Variants in TTC38 observed in about 807,000 individuals in gnomAD.
TTC38 encodes the protein tetratricopeptide repeat protein 38.
A neutral mutation model predicts 64.2 loss-of-function variants in TTC38; 64 were observed. That is an observed-to-expected ratio of 1.00 (90% CI 0.81 to 1.23). The LOEUF is 1.23. Among genes scored for constraint, TTC38 ranks in the 50% most tolerant of loss-of-function variants. The pLI is 0.00. For missense variants in TTC38, 573 were observed against 615.5 expected (o/e 0.93, Z 0.73); for synonymous variants, 254 against 249.3 (o/e 1.02, Z -0.18).
In TTC38 at chr22:46,272,369, G is replaced by T; in HGVS notation, c.146G>T (p.Gly49Val). 1.2e-6 allele frequency: 2 copies of T among 1,613,470 alleles called. No individual in the cohort carries two copies. Among genetic ancestry groups the T allele is most frequent in the South Asian group, 1.1e-5 (1 of 91,018 alleles). ...VKWTNDKSLG[G>V]IEGCLSKLKA... Reference sequence around the variant, plus strand: ...TGGACCAATGACAAGAGTCTCGGTGGCATCGAGGGCTGCCTGTCAAAGCTC... The same window carrying T: ...TGGACCAATGACAAGAGTCTCGGTGTCATCGAGGGCTGCCTGTCAAAGCTC... Residue 49 changes from glycine to valine, a missense_variant, in exon 3 of 14, where the codon GGC (glycine) becomes GTC (valine). Transcript: ENST00000381031. The surrounding 1 kb of genome is among the most constrained non-coding windows in gnomAD (Gnocchi z 6.4).
Position 46,273,980 on chromosome 22 carries a change from T to C in TTC38, c.276T>C (p.Ala92=), listed in dbSNP as rs758146876. 1 of 1,614,228 alleles carries C rather than the reference T, an allele frequency of 6.2e-7. No homozygotes were observed. The highest frequency in any genetic ancestry group is 1.7e-5 in the Admixed American group (1 of 60,028). ...SVKLDKELDL[A]VKTMVEISRT... is the part of the protein sequence containing the mutation. ...AGCTGGACAAAGAGCTGGACCTGGC[T>C]GTGAAGACAATGGTGGAGATTTCAA... Residue 92 remains alanine, a synonymous_variant, in exon 4 of 14, where the codon GCT becomes GCC. Coordinates refer to ENST00000381031, the MANE Select transcript of TTC38 (RefSeq NM_017931.4). This position sits in a 1 kb window ranked among gnomAD's most constrained non-coding sequence, Gnocchi z 5.1.
intron 2 of TTC38, among the ~76,000 whole-genome samples, chr22:46,269,722 GTTGT>G (rs1856848460): frequency 2.6e-5 from 4 of 152,330 alleles, no homozygotes; most frequent in Middle Eastern, 3.4e-3. Flanking sequence ...GGGCATCTGA[GTTGT>G]TTGTTTATTT....
At chr22:46,287,318 C>T (rs978317035) in intron 10 of TTC38, among the ~76,000 whole-genome samples, 164 bp downstream of exon 10, 2 of 152,242 alleles carry the variant, frequency 1.3e-5, no homozygotes, top group East Asian at 1.9e-4. Flanking sequence ...GCAGCTGCCT[C>T]CCAGCTGGCC....
rs1986775142 is a variant in TTC38, at chr22:46,273,549, C to T, written c.194-349C>T. 1.3e-5 allele frequency among the ~76,000 whole-genome samples: 2 copies of T among 152,222 alleles called. No homozygotes were observed. Among genetic ancestry groups the T allele is most frequent in the African/African-American group, 4.8e-5 (2 of 41,460 alleles). ...CCTTATGAGCAGCATCCACTGATGCCTCCCGGGAGCCGTGTGCTGGCTGTG... is the reference window on the plus strand; with the variant it reads ...CCTTATGAGCAGCATCCACTGATGCTTCCCGGGAGCCGTGTGCTGGCTGTG... On this transcript the variant is annotated intron_variant, in intron 3 of 13. Transcript: ENST00000381031. This position sits in a 1 kb window ranked among gnomAD's most constrained non-coding sequence, Gnocchi z 5.1.
At chr22:46,288,938 C>T (rs146076609) in intron 11 of TTC38, among the ~76,000 whole-genome samples, 4 of 152,232 alleles carry the variant, frequency 2.6e-5, no homozygotes, top group Non-Finnish European at 5.9e-5. Context: ...CCCTGAGGTC[C>T]TGGACGAGGT....
rs1263486007 is a variant in TTC38 at position 46,271,580 on chromosome 22, CT to C, written c.112-754del. Among the ~76,000 whole-genome samples, 6 of 152,204 alleles carry C rather than the reference CT, an allele frequency of 3.9e-5. No individual in the cohort carries two copies. The highest frequency in any genetic ancestry group is 1.4e-4 in the African/African-American group (6 of 41,444). On this transcript the variant is annotated intron_variant, in intron 2 of 13. Transcript: ENST00000381031. This position sits in a 1 kb window ranked among gnomAD's most constrained non-coding sequence, Gnocchi z 5.5. ...GCACGATCTCAGCTCACTGCAACCT[CT>C]ACCTCCCAGGTTCAGGCGATTCTCC...
intron 8 of TTC38, 56 bp downstream of exon 8, chr22:46,284,088 A>G (rs903214381): frequency 6.9e-7 from 1 of 1,456,544 alleles, no homozygotes; most frequent in African/African-American, 1.4e-5. Flanking sequence ...TAGAGGGAGA[A>G]AGATTTTTCT....
chr22:46,290,591 T>TGGTGTGGCTGGAGGGTGAGTGTTAGGGG, intron 13 of TTC38, among the ~76,000 whole-genome samples: 1 of 124,580 alleles, frequency 8.0e-6, no homozygotes, highest in African/African-American at 3.6e-5. Context: ...GTTAGGAGGG[T>TGGTGTGGCTGGAGGGTGAGTGTTAGGGG]GGCGTGGCTG....
intron 9 of TTC38, among the ~76,000 whole-genome samples, 155 bp downstream of exon 9, chr22:46,285,434 G>T (rs2077564647): frequency 6.6e-6 from 1 of 152,092 alleles, no homozygotes; most frequent in Non-Finnish European, 1.5e-5. Flanking sequence ...GGTTAATTTT[G>T]CCAAGAGCAA....
rs1936980676 is a variant in TTC38, at chr22:46,275,192, CCTGTGTGGGTGGA to C, written c.366-53_366-41del. 1 of 1,525,354 alleles carries C rather than the reference CCTGTGTGGGTGGA, an allele frequency of 6.6e-7. No homozygotes were observed. The highest frequency in any genetic ancestry group is 9.0e-7 in the Non-Finnish European group (1 of 1,113,556). 94.5% of individuals were successfully genotyped at this position (1,525,354 alleles called of 1,614,324 possible). A position where few individuals can be genotyped will look rare whatever the true frequency, so the allele number is the denominator to read the frequency against. ...GTGAGAAACAATGCCTCTTACACTC[CCTGTGTGGGTGGA>C]CTATGTGTTCAGCGTTGGTGAGAAA... On this transcript the variant is annotated intron_variant, in intron 4 of 13. Coordinates refer to ENST00000381031, the MANE Select transcript of TTC38 (RefSeq NM_017931.4). This position sits in a 1 kb window ranked among gnomAD's most constrained non-coding sequence, Gnocchi z 4.5.
chr22:46,292,159 G>A lies in TTC38; in HGVS notation c.1317-632G>A, dbSNP rs557623005. On this transcript the variant is annotated intron_variant, in intron 13 of 13. Coordinates refer to ENST00000381031, the MANE Select transcript of TTC38 (RefSeq NM_017931.4). This position sits in a 1 kb window ranked among gnomAD's most constrained non-coding sequence, Gnocchi z 6.5. ...TTCCTTTGAGTGCTAATTCTTTCACGTCTCTTCTTTCTTCTTTCTTTTTAA... is the reference window on the plus strand; with the variant it reads ...TTCCTTTGAGTGCTAATTCTTTCACATCTCTTCTTTCTTCTTTCTTTTTAA... 6.5e-5 allele frequency: 28 copies of A among 427,722 alleles called. No homozygotes were observed. Among genetic ancestry groups the A allele is most frequent in the Admixed American group, 1.9e-4 (7 of 37,478 alleles). The allele number at this position is 427,722 out of a possible 1,614,324, so 26.5% of individuals were successfully genotyped here. A position where few individuals can be genotyped will look rare whatever the true frequency, so the allele number is the denominator to read the frequency against.
rs755527198 is a variant in TTC38, at chr22:46,292,848, C to T, written c.1374C>T (p.Leu458=). The change falls in exon 14 of 14, where the codon CTC becomes CTT. Residue 458 remains leucine, a synonymous_variant. Transcript: ENST00000381031. This position sits in a 1 kb window ranked among gnomAD's most constrained non-coding sequence, Gnocchi z 6.5. The part of the protein sequence containing the change: ...LKPNSPLTER[L]IRKAATVHLM... ...CCAACTCGCCCCTGACCGAGCGGCTCATCCGCAAGGCAGCTACCGTCCACC... is the reference window on the plus strand; with the variant it reads ...CCAACTCGCCCCTGACCGAGCGGCTTATCCGCAAGGCAGCTACCGTCCACC... 1.2e-6 allele frequency: 2 copies of T among 1,614,016 alleles called. No individual in the cohort carries two copies. The highest frequency in any genetic ancestry group is 1.3e-5 in the African/African-American group (1 of 75,080).
At chr22:46,287,233 G>C in intron 10 of TTC38, 79 bp downstream of exon 10, 1 of 1,356,236 alleles carries the variant, frequency 7.4e-7, no homozygotes, top group Non-Finnish European at 1.0e-6. Context: ...CCTAGGCCCA[G>C]GGTTGGGCAA....
At position 46,273,033 on chromosome 22, in the gene TTC38, C is replaced by T. The variant is rs1936929662; in HGVS notation, c.193+617C>T. On this transcript the variant is annotated intron_variant, in intron 3 of 13. Coordinates refer to ENST00000381031, the MANE Select transcript of TTC38 (RefSeq NM_017931.4). This position sits in a 1 kb window ranked among gnomAD's most constrained non-coding sequence, Gnocchi z 5.1. ...GGCTCTTGTCAGTGCGGCAGGGACA[C>T]CCTTCTCACCCTGCTGCAGCCTAGT... 6.6e-6 allele frequency among the ~76,000 whole-genome samples: 1 copy of T among 152,166 alleles called. No individual in the cohort carries two copies.
Position 46,289,885 on chromosome 22 carries a change from T to C in TTC38, c.1302T>C (p.His434=). 1.2e-6 allele frequency: 2 copies of C among 1,614,068 alleles called. No homozygotes were observed. Among genetic ancestry groups the C allele is most frequent in the Non-Finnish European group, 1.7e-6 (2 of 1,179,980 alleles). Residue 434 remains histidine, a synonymous_variant, in exon 13 of 14, where the codon CAT becomes CAC. Transcript: ENST00000381031. ...HAALNCTSSV[H]KNVARSLLME... The stretch of plus-strand genomic sequence containing the variant: ...CCTTAAACTGCACCTCCAGCGTCCA[T>C]AAGAACGTAGCCCGGTGAGCTCCTG...
intron 5 of TTC38, among the ~76,000 whole-genome samples, chr22:46,277,605 CAAAAAAAAAAAA>C (rs130643): frequency 1.5e-5 from 1 of 66,538 alleles, no homozygotes; most frequent in Non-Finnish European, 2.9e-5. Flanking sequence ...ACTCTGTCTC[CAAAAAAAAAAAA>C]AAAAAAAAAA....
rs2077587352 is a variant in TTC38 at position 46,288,478 on chromosome 22, C to A, written c.972C>A (p.Ser324Arg). The change falls in exon 11 of 14, where the codon AGC (serine) becomes AGA (arginine). Residue 324 changes from serine to arginine, a missense_variant. Coordinates refer to ENST00000381031, the MANE Select transcript of TTC38 (RefSeq NM_017931.4). ...TCCTGCCTGTGGCCCGGAAGCACAG[C>A]CGAGACCACATCCTGCTGTTCAATG... Reference protein sequence around the residue: ...QDVLPVARKHSRDHILLFNDA... With the variant: ...QDVLPVARKHRRDHILLFNDA... 1 of 1,613,902 alleles carries A rather than the reference C, an allele frequency of 6.2e-7. No homozygotes were observed. Among genetic ancestry groups the A allele is most frequent in the East Asian group, 2.2e-5 (1 of 44,884 alleles).
Position 46,291,418 on chromosome 22 carries a change from C to T in TTC38, c.1317-1373C>T, listed in dbSNP as rs2077614403. On this transcript the variant is annotated intron_variant, in intron 13 of 13. Coordinates refer to ENST00000381031, the MANE Select transcript of TTC38 (RefSeq NM_017931.4). This position sits in a 1 kb window ranked among gnomAD's most constrained non-coding sequence, Gnocchi z 4.6. Reference sequence around the variant, plus strand: ...GGGGAGAGCAGGCTGCACAGGGAGCCGACTGCATTAGGAGACGTGGAGGGG... The same window carrying T: ...GGGGAGAGCAGGCTGCACAGGGAGCTGACTGCATTAGGAGACGTGGAGGGG... Among the ~76,000 whole-genome samples, 2 of 152,054 alleles carry T rather than the reference C, an allele frequency of 1.3e-5. No individual in the cohort carries two copies. The highest frequency in any genetic ancestry group is 4.8e-5 in the African/African-American group (2 of 41,388).
At position 46,282,491 on chromosome 22, in the gene TTC38, A is replaced by T. The variant is rs566638898; in HGVS notation, c.735+773A>T. ...AGATGGGGCCTCCCCTGGGACAGGG[A>T]CACAGCGTCGCTCACTCAGCGTTTA... On this transcript the variant is annotated intron_variant, in intron 7 of 13. Transcript: ENST00000381031. This position sits in a 1 kb window ranked among gnomAD's most constrained non-coding sequence, Gnocchi z 4.4. Among the ~76,000 whole-genome samples the T allele has an allele frequency of 6.6e-6, 1 of 152,312 alleles. No individual in the cohort carries two copies. The highest frequency in any genetic ancestry group is 6.5e-5 in the Admixed American group (1 of 15,312).
Sources: allele counts gnomAD v4.1 joint callset (sites outside exome capture counted in the v4.1 genomes callset), GRCh38; gene constraint gnomAD v4.1.1; non-coding constraint Gnocchi (gnomAD v3.1); transcripts MANE v1.5; gene names NCBI Gene and HGNC (gene_info 2026-07-23, HGNC 2026-07-21).